Variants in TRERF1 observed in about 807,000 individuals in gnomAD.
The protein encoded by TRERF1 is transcriptional-regulating factor 1.
TRERF1 carries 27 observed loss-of-function variants against 122.9 expected under a neutral mutation model. That is an observed-to-expected ratio of 0.22 (90% CI 0.16 to 0.30). The LOEUF (loss-of-function observed/expected upper bound fraction) is 0.30, where lower values mean the gene tolerates loss of function less well. Among genes scored for constraint, TRERF1 ranks in the 10% least tolerant of loss-of-function variants. TRERF1 has a pLI of 1.00. For missense variants in TRERF1, 1,248 were observed against 1,560.3 expected (o/e 0.80, Z 3.37); for synonymous variants, 636 against 641.7 (o/e 0.99, Z 0.13).
chr6:42,254,428 G>A (rs1464754246), intron 13 of TRERF1, among the ~76,000 whole-genome samples: 1 of 152,168 alleles, frequency 6.6e-6, no homozygotes, highest in South Asian at 2.1e-4. Context: ...AAAACACTAC[G>A]AGGGATGGAA....
At chr6:42,304,965 T>C (rs1055409019) in intron 3 of TRERF1, among the ~76,000 whole-genome samples, 2 of 152,142 alleles carry the variant, frequency 1.3e-5, no homozygotes, top group African/African-American at 4.8e-5. Flanking sequence ...AACAGCCGAA[T>C]CCCAGATGGC....
At chr6:42,373,536 G>A (rs773120477) in intron 2 of TRERF1, among the ~76,000 whole-genome samples, 2 of 151,862 alleles carry the variant, frequency 1.3e-5, no homozygotes, top group Non-Finnish European at 1.5e-5. Flanking sequence ...GTGTGGTGGC[G>A]GGCACCTGTA....
At chr6:42,365,320 C>T (rs537254115) in intron 2 of TRERF1, among the ~76,000 whole-genome samples, 3 of 152,294 alleles carry the variant, frequency 2.0e-5, no homozygotes, top group East Asian at 3.9e-4. Context: ...GAGGCACAAT[C>T]TGCATGGATG....
At chr6:42,434,161 C>T (rs1169718057) in intron 2 of TRERF1, among the ~76,000 whole-genome samples, 1 of 151,992 alleles carries the variant, frequency 6.6e-6, no homozygotes, top group Non-Finnish European at 1.5e-5. Flanking sequence ...GAAATGAGTT[C>T]CAGAGACATG....
At chr6:42,237,382 G>A (rs1772496636) in intron 15 of TRERF1, among the ~76,000 whole-genome samples, 1 of 152,250 alleles carries the variant, frequency 6.6e-6, no homozygotes, top group African/African-American at 2.4e-5. Context: ...TCCCAGGGTA[G>A]GGGTGAGGGC....
chr6:42,225,054 A>C (rs1329474122), downstream of TRERF1: 2 of 152,024 alleles, frequency 1.3e-5, no homozygotes, highest in Non-Finnish European at 2.9e-5. Context: ...CATCTATAGG[A>C]ACTGTAATAA....
chr6:42,403,158 T>TC (rs1055539592), intron 2 of TRERF1, among the ~76,000 whole-genome samples: 15 of 151,170 alleles, frequency 9.9e-5, no homozygotes, highest in Non-Finnish European at 2.1e-4. Context: ...CTGGACATCT[T>TC]CCCCAAAAAA....
intron 3 of TRERF1, among the ~76,000 whole-genome samples, chr6:42,332,061 G>C (rs2150580941): frequency 6.6e-6 from 1 of 152,282 alleles, no homozygotes; most frequent in East Asian, 1.9e-4. Flanking sequence ...CCCTGCCTCA[G>C]CCTCCTGAGT....
chr6:42,240,728 A>G (rs1773491319), intron 15 of TRERF1, among the ~76,000 whole-genome samples: 1 of 152,150 alleles, frequency 6.6e-6, no homozygotes, highest in South Asian at 2.1e-4. Flanking sequence ...TACATGTGTT[A>G]TATCTTCCCA....
At position 42,268,035 on chromosome 6, in the gene TRERF1, G is replaced by T; in HGVS notation, c.1437+119C>A. 1 of 1,221,852 alleles carries T rather than the reference G, an allele frequency of 8.2e-7. No individual in the cohort carries two copies. The highest frequency in any genetic ancestry group is 1.1e-6 in the Non-Finnish European group (1 of 933,162). 75.7% of individuals were successfully genotyped at this position (1,221,852 alleles called of 1,614,324 possible). On this transcript the variant is annotated intron_variant, in intron 5 of 17. Transcript: ENST00000372922. This position sits in a 1 kb window ranked among gnomAD's most constrained non-coding sequence, Gnocchi z 4.4. ...GCGTGACACATGTAGGTTAATGTTT[G>T]TGGAATTAGTAAAGAACAAAAGGGT...
intron 2 of TRERF1, among the ~76,000 whole-genome samples, chr6:42,386,453 G>A (rs1031097044): frequency 6.6e-6 from 1 of 151,916 alleles, no homozygotes; most frequent in African/African-American, 2.4e-5. Context: ...AAAAAAAGGA[G>A]AAAGAAAGAA....
chr6:42,418,284 T>TC (rs1554211465), intron 2 of TRERF1, among the ~76,000 whole-genome samples: 51 of 144,138 alleles, frequency 3.5e-4, no homozygotes, highest in African/African-American at 1.2e-3. Context: ...TTTTTTTTTT[T>TC]CCGAGATGGA....
chr6:42,434,668 CCACACACACACACA>C (rs3075920), intron 2 of TRERF1, among the ~76,000 whole-genome samples: 2 of 114,896 alleles, frequency 1.7e-5, no homozygotes, highest in South Asian at 2.8e-4. Flanking sequence ...ACACCCTCCA[CCACACACACACACA>C]CACACACACA....
At chr6:42,443,230 T>C (rs184242662) in intron 2 of TRERF1, among the ~76,000 whole-genome samples, 1 of 152,358 alleles carries the variant, frequency 6.6e-6, no homozygotes, top group Non-Finnish European at 1.5e-5. Context: ...TTGCTAAATC[T>C]AGGTGATGAG....
Position 42,269,550 on chromosome 6 carries a change from T to C in TRERF1, c.41A>G (p.His14Arg), listed in dbSNP as rs371625080. Residue 14 changes from histidine to arginine, a missense_variant, in exon 5 of 18, where the codon CAT becomes CGT. Physicochemically the swap from His to Arg is conservative, Grantham distance 29. Around this residue, in one of 5 missense-constraint regions of TRERF1, gnomAD observed 946 missense variants for 1,073.0 expected, o/e 0.88. Coordinates refer to ENST00000372922, the Ensembl canonical transcript of TRERF1. This position sits in a 1 kb window ranked among gnomAD's most constrained non-coding sequence, Gnocchi z 4.9. Reference sequence around the variant, plus strand: ...TTGGTAGAAAAGGTTCTCACTACCATGGGCCACATGGTTGGTCTTGTACAG... The same window carrying C: ...TTGGTAGAAAAGGTTCTCACTACCACGGGCCACATGGTTGGTCTTGTACAG... 2.8e-4 allele frequency: 456 copies of C among 1,614,184 alleles called. No homozygotes were observed. The highest frequency in any genetic ancestry group is 3.6e-4 in the Non-Finnish European group (424 of 1,180,032).
At chr6:42,279,218 C>T (rs1781838741) in intron 4 of TRERF1, among the ~76,000 whole-genome samples, 1 of 152,138 alleles carries the variant, frequency 6.6e-6, no homozygotes, top group Admixed American at 6.5e-5. Flanking sequence ...CTGTGGGGGA[C>T]TCCGGGAAGG....
chr6:42,272,289 GA>G (rs1381835097), intron 4 of TRERF1, among the ~76,000 whole-genome samples: 1 of 152,278 alleles, frequency 6.6e-6, no homozygotes, highest in Admixed American at 6.5e-5. Flanking sequence ...ATGAGAGAAA[GA>G]GATGGAAAAC....
intron 3 of TRERF1, among the ~76,000 whole-genome samples, chr6:42,353,603 A>T (rs1769908295): frequency 6.6e-6 from 1 of 152,064 alleles, no homozygotes; most frequent in Non-Finnish European, 1.5e-5. Context: ...AACAAAAACA[A>T]ACAAACGAAA....
chr6:42,384,971 G>GT (rs1776552348), intron 2 of TRERF1, among the ~76,000 whole-genome samples: 1 of 150,526 alleles, frequency 6.6e-6, no homozygotes, highest in Non-Finnish European at 1.5e-5. Context: ...TGCTCAACTA[G>GT]TTTTTTCTAT....
Sources: allele counts gnomAD v4.1 joint callset (sites outside exome capture counted in the v4.1 genomes callset), GRCh38; gene constraint gnomAD v4.1.1; regional missense constraint gnomAD v4.1.1; non-coding constraint Gnocchi (gnomAD v3.1); transcripts MANE v1.5; gene names NCBI Gene and HGNC (gene_info 2026-07-23, HGNC 2026-07-21).